HPSE2: variants seen among roughly 807,000 people sequenced by gnomAD.
The protein encoded by HPSE2 is heparanase 2 (inactive), also known as inactive heparanase-2.
A neutral mutation model predicts 60.5 loss-of-function variants in HPSE2; 38 were observed. The observed-to-expected ratio is 0.63, with a 90% CI of 0.48 to 0.82. HPSE2 has a LOEUF of 0.82. Among genes scored for constraint, HPSE2 ranks in the 40% least tolerant of loss-of-function variants. The pLI, the probability that HPSE2 is intolerant of heterozygous loss-of-function variation, is 0.00. For missense variants in HPSE2, 713 were observed against 740.4 expected (o/e 0.96, Z 0.43); for synonymous variants, 295 against 293.2 (o/e 1.01, Z -0.06).
At chr10:98,841,653 C>T (rs1951915210) in intron 3 of HPSE2, among the ~76,000 whole-genome samples, 1 of 152,136 alleles carries the variant, frequency 6.6e-6, no homozygotes, top group African/African-American at 2.4e-5. Context: ...GCAGCAATCA[C>T]TTCATCTGAG....
chr10:98,792,242 A>G (rs1322736223), intron 3 of HPSE2, among the ~76,000 whole-genome samples: 1 of 151,894 alleles, frequency 6.6e-6, no homozygotes, highest in African/African-American at 2.4e-5. Flanking sequence ...ATCTGTACAC[A>G]CTCATTTTTC....
chr10:98,757,542 C>T (rs1660444380), intron 3 of HPSE2, among the ~76,000 whole-genome samples: 1 of 151,916 alleles, frequency 6.6e-6, no homozygotes, highest in South Asian at 2.1e-4. Context: ...CCAACATTGT[C>T]CAAGCTGAGA....
At chr10:98,815,140 T>C (rs1951255629) in intron 3 of HPSE2, among the ~76,000 whole-genome samples, 2 of 152,036 alleles carry the variant, frequency 1.3e-5, no homozygotes, top group Admixed American at 6.6e-5. Context: ...AAAATTAGCC[T>C]GGTGTGGTAG....
intron 9 of HPSE2, among the ~76,000 whole-genome samples, chr10:98,510,365 T>C (rs929288817): frequency 6.6e-6 from 1 of 152,100 alleles, no homozygotes; most frequent in African/African-American, 2.4e-5. Flanking sequence ...TAGACCATGC[T>C]CTGAATACTC....
chr10:98,485,716 C>T (rs1291538998), intron 10 of HPSE2, among the ~76,000 whole-genome samples: 1 of 152,170 alleles, frequency 6.6e-6, no homozygotes, highest in Non-Finnish European at 1.5e-5. Context: ...AGAGTGGGAG[C>T]AAAATACATG....
chr10:98,499,619 A>G lies in HPSE2; in HGVS notation c.1321-9423T>C, dbSNP rs116577169. Among the ~76,000 whole-genome samples the G allele has an allele frequency of 6.9e-3, 1,056 of 152,296 alleles. 14 individuals carry two copies. Among genetic ancestry groups the G allele is most frequent in the African/African-American group, 0.024 (1,007 of 41,564 alleles). On this transcript the variant is annotated intron_variant, in intron 9 of 11. Transcript: ENST00000370552. ...TTAAAAAGCAAAAACAAAAACCAAA[A>G]AAACCAAGGTACACAGGCAACAAGC...
At chr10:99,282,573 T>C in the HPSE2 span, among the ~76,000 whole-genome samples, 1 of 152,130 alleles carries the variant, frequency 6.6e-6, no homozygotes, top group Non-Finnish European at 1.5e-5. Flanking sequence ...CGGATTCTTC[T>C]CAAGTGCACA....
At chr10:99,199,007 C>T (rs942927414) in intron 2 of HPSE2, among the ~76,000 whole-genome samples, 5 of 152,160 alleles carry the variant, frequency 3.3e-5, no homozygotes, top group Non-Finnish European at 7.4e-5. Flanking sequence ...CATGTTGTCA[C>T]ATATGACAAA....
At chr10:98,763,166 T>C (rs1950044502) in intron 3 of HPSE2, among the ~76,000 whole-genome samples, 1 of 152,098 alleles carries the variant, frequency 6.6e-6, no homozygotes, top group South Asian at 2.1e-4. Context: ...CAGATTTTTT[T>C]TTAATGAACA....
chr10:99,148,574 T>C (rs1846141517), intron 2 of HPSE2, among the ~76,000 whole-genome samples: 1 of 152,168 alleles, frequency 6.6e-6, no homozygotes. Context: ...GCGCATCACC[T>C]GAGGTCTGGA....
chr10:99,105,502 GTTTT>G (rs954710051), intron 3 of HPSE2, among the ~76,000 whole-genome samples: 3 of 144,400 alleles, frequency 2.1e-5, no homozygotes, highest in Non-Finnish European at 4.6e-5. Context: ...AGTTGTAAGA[GTTTT>G]TTTTTTCTAT....
At chr10:99,278,950 G>A in the HPSE2 span, among the ~76,000 whole-genome samples, 7 of 152,052 alleles carry the variant, frequency 4.6e-5, no homozygotes, top group Admixed American at 4.6e-4. Flanking sequence ...TATGTTCTAG[G>A]CAAGTATTTC....
rs565193555 is a variant in HPSE2, at chr10:99,006,526, G to C, written c.610+137712C>G. ...GCTTTGGCAGTCATGGGCTATCATG[G>C]CTCCAGGCTCCAAAATCTAGGGCAG... On this transcript the variant is annotated intron_variant, in intron 3 of 11. Transcript: ENST00000370552. Among the ~76,000 whole-genome samples the C allele has an allele frequency of 7.9e-5, 12 of 152,260 alleles. No homozygotes were observed. The East Asian group carries it at 2.3e-3, about 30-fold the overall frequency.
At chr10:98,678,699 G>T (rs1053912632) in intron 6 of HPSE2, among the ~76,000 whole-genome samples, 3 of 151,630 alleles carry the variant, frequency 2.0e-5, no homozygotes, top group Non-Finnish European at 4.4e-5. Context: ...AAATTTTTTT[G>T]GTCTCTGGTG....
At chr10:99,020,297 T>C (rs536519260) in intron 3 of HPSE2, among the ~76,000 whole-genome samples, 1 of 151,892 alleles carries the variant, frequency 6.6e-6, no homozygotes, top group South Asian at 2.1e-4. Context: ...AAACTACTTA[T>C]AATTATTAAA....
rs1955648397 is a variant in HPSE2, at chr10:98,960,733, T to TA, written c.610+183504_610+183505insT. Among the ~76,000 whole-genome samples the TA allele has an allele frequency of 7.0e-5, 4 of 57,322 alleles. 1 individual carries two copies. The highest frequency in any genetic ancestry group is 3.5e-4 in the African/African-American group (4 of 11,340). 37.6% of individuals were successfully genotyped at this position (57,322 alleles called of 152,430 possible). A position where few individuals can be genotyped will look rare whatever the true frequency, so the allele number is the denominator to read the frequency against. On this transcript the variant is annotated intron_variant, in intron 3 of 11. Transcript: ENST00000370552. ...TTTTTTTTTTTTTGTTTTATTTTTT[T>TA]TATTTTATTTTTTTTTTTATTATAC...
At chr10:98,567,073 G>A (rs1271207975) in intron 9 of HPSE2, among the ~76,000 whole-genome samples, 3 of 152,166 alleles carry the variant, frequency 2.0e-5, no homozygotes, top group African/African-American at 4.8e-5. Flanking sequence ...GGGAGCTTGT[G>A]AAATGCAGAT....
At chr10:98,591,442 C>T (rs1167875751) in intron 9 of HPSE2, among the ~76,000 whole-genome samples, 1 of 152,088 alleles carries the variant, frequency 6.6e-6, no homozygotes, top group Non-Finnish European at 1.5e-5. Flanking sequence ...AGGGGCAGAT[C>T]ACCTGAGGCT....
chr10:98,581,034 G>A (rs1283032707), intron 9 of HPSE2, among the ~76,000 whole-genome samples: 1 of 150,934 alleles, frequency 6.6e-6, no homozygotes, highest in African/African-American at 2.4e-5. Flanking sequence ...TCTGCCTCCT[G>A]GGTTCAAGTG....
Sources: allele counts gnomAD v4.1 joint callset (sites outside exome capture counted in the v4.1 genomes callset), GRCh38; gene constraint gnomAD v4.1.1; transcripts MANE v1.5; gene names NCBI Gene and HGNC (gene_info 2026-07-23, HGNC 2026-07-21).